Variants in GATAD1 observed in about 807,000 individuals in gnomAD.
GATAD1 encodes the protein GATA zinc finger domain-containing protein 1.
Under a neutral mutation model 26.5 loss-of-function variants are expected in GATAD1, and 12 were observed. The ratio of observed to expected loss-of-function variants is 0.45; its 90% confidence interval spans 0.29 to 0.73. The LOEUF (loss-of-function observed/expected upper bound fraction) is 0.73. Among genes scored for constraint, GATAD1 ranks in the 30% least tolerant of loss-of-function variants. The probability of loss-of-function intolerance (pLI) is 0.10; values close to 1 mark genes in which losing one functional copy is unlikely to be tolerated. For missense variants in GATAD1, 266 were observed against 342.1 expected, an observed-to-expected ratio of 0.78 and a Z score of 1.75; for synonymous variants, 129 against 133.1, an observed-to-expected ratio of 0.97 and a Z score of 0.21.
chr7:92,458,576 C>T lies in GATAD1; in HGVS notation c.*2014C>T, dbSNP rs1349420102. ...TGTACTCACTTGCCTCCTCTTTTGT[C>T]CTGATTTAACCAGCATTTTTCAACC... On this transcript the variant is annotated 3_prime_UTR_variant, in exon 5 of 5. Transcript: ENST00000287957. 1 of 152,124 alleles carries T rather than the reference C, an allele frequency of 6.6e-6. No homozygotes were observed. Among genetic ancestry groups the T allele is most frequent in the African/African-American group, 2.4e-5 (1 of 41,422 alleles). 9.4% of individuals were successfully genotyped at this position (152,124 alleles called of 1,614,324 possible). A position where few individuals can be genotyped will look rare whatever the true frequency, so the allele number is the denominator to read the frequency against.
At chr7:92,473,109 T>A in the GATAD1 span, 1 of 151,910 alleles carries the variant, frequency 6.6e-6, no homozygotes, top group East Asian at 1.9e-4. Flanking sequence ...GAATTGAGAG[T>A]CAGGATGTAC....
At chr7:92,453,694 T>C (rs140026671) in intron 3 of GATAD1, among the ~76,000 whole-genome samples, 109 of 152,296 alleles carry the variant, frequency 7.2e-4, no homozygotes, top group African/African-American at 2.6e-3. Context: ...TCTATTTTCT[T>C]TGAGTGGATG....
downstream of GATAD1, among the ~76,000 whole-genome samples, chr7:92,463,812 T>C (rs1336778423): frequency 3.3e-5 from 5 of 151,574 alleles, no homozygotes; most frequent in African/African-American, 1.2e-4. Context: ...CTATTAAAAA[T>C]ACAAAAATTA....
the GATAD1 span, among the ~76,000 whole-genome samples, chr7:92,478,396 G>A: frequency 6.6e-6 from 1 of 152,206 alleles, no homozygotes; most frequent in Non-Finnish European, 1.5e-5. Context: ...GATGTTGAAT[G>A]AATTCATCTA....
chr7:92,450,691 A>G lies in GATAD1; in HGVS notation c.376-10A>G, dbSNP rs1265355276. ...CTATGAATGTGCTAATGTTTTTTGT[A>G]TTTTCATAGCCCATCAAAGCTCCTG... On this transcript the variant is annotated splice_polypyrimidine_tract_variant and intron_variant, in intron 2 of 4. Coordinates refer to ENST00000287957, the MANE Select transcript of GATAD1 (RefSeq NM_021167.5). 1.9e-6 allele frequency: 3 copies of G among 1,592,980 alleles called. No individual in the cohort carries two copies. The highest frequency in any genetic ancestry group is 2.2e-5 in the East Asian group (1 of 44,738).
chr7:92,463,990 G>A (rs1292492817), downstream of GATAD1, among the ~76,000 whole-genome samples: 1 of 152,072 alleles, frequency 6.6e-6, no homozygotes, highest in Non-Finnish European at 1.5e-5. Context: ...AAAATTGTAA[G>A]TTTTGTTATG....
the GATAD1 span, chr7:92,468,659 T>A: frequency 3.3e-6 from 2 of 606,524 alleles, no homozygotes; most frequent in Admixed American, 6.0e-5. Context: ...CCAGCTAGGC[T>A]TAGGGATTCT....
chr7:92,469,890 C>T, the GATAD1 span: 7 of 778,458 alleles, frequency 9.0e-6, no homozygotes, highest in East Asian at 7.3e-5. Context: ...ATAGGCTTAC[C>T]AGGCGAGTAT....
At chr7:92,475,299 T>C in the GATAD1 span, 2 of 151,840 alleles carry the variant, frequency 1.3e-5, no homozygotes, top group Non-Finnish European at 2.9e-5. Context: ...GCGGGGAACG[T>C]TTCCCATCTG....
chr7:92,485,584 GCA>G, the GATAD1 span, among the ~76,000 whole-genome samples: 11 of 152,264 alleles, frequency 7.2e-5, no homozygotes, highest in African/African-American at 2.6e-4. Context: ...GGATCCAAGG[GCA>G]CCAGACACTC....
intron 4 of GATAD1, 39 bp downstream of exon 4, chr7:92,454,724 GTTAACTCTCC>G: frequency 7.3e-7 from 1 of 1,364,078 alleles, no homozygotes; most frequent in Non-Finnish European, 1.0e-6. Flanking sequence ...TTTTAACTTA[GTTAACTCTCC>G]AATATTATGT....
At chr7:92,488,965 C>T in the GATAD1 span, among the ~76,000 whole-genome samples, 313 of 152,288 alleles carry the variant, frequency 2.1e-3, 1 homozygote, top group African/African-American at 7.3e-3. Context: ...AACTCCTGAC[C>T]TCAGGTGATC....
downstream of GATAD1, among the ~76,000 whole-genome samples, chr7:92,463,240 G>A (rs1789985199): frequency 6.6e-6 from 1 of 152,182 alleles, no homozygotes; most frequent in South Asian, 2.1e-4. Context: ...GTGGGAAGAG[G>A]GGTATTGTGG....
chr7:92,475,938 G>C, the GATAD1 span, among the ~76,000 whole-genome samples: 1 of 152,224 alleles, frequency 6.6e-6, no homozygotes. Flanking sequence ...AGTGCAAACA[G>C]CTCACACGTT....
downstream of GATAD1, among the ~76,000 whole-genome samples, chr7:92,464,096 G>T (rs1790020659): frequency 6.6e-6 from 1 of 152,172 alleles, no homozygotes; most frequent in Admixed American, 6.5e-5. Context: ...TGAGGAGGAT[G>T]AATTAAGGAA....
chr7:92,464,082 T>G (rs79423543), downstream of GATAD1, among the ~76,000 whole-genome samples: 1 of 152,172 alleles, frequency 6.6e-6, no homozygotes, highest in Non-Finnish European at 1.5e-5. Flanking sequence ...AAATAGAGAC[T>G]GAGTGAGGAG....
chr7:92,461,806 A>G (rs1043597967), downstream of GATAD1, among the ~76,000 whole-genome samples: 5 of 152,240 alleles, frequency 3.3e-5, no homozygotes, highest in Non-Finnish European at 5.9e-5. Flanking sequence ...ACGCAAGGGC[A>G]GTTGCACCCA....
intron 1 of GATAD1, among the ~76,000 whole-genome samples, chr7:92,448,346 T>G (rs1321108874): frequency 6.6e-6 from 1 of 152,242 alleles, no homozygotes; most frequent in Admixed American, 6.5e-5. Flanking sequence ...AAATGGCAGC[T>G]TAAGTATTCC....
chr7:92,473,803 C>A, the GATAD1 span, among the ~76,000 whole-genome samples: 8 of 152,008 alleles, frequency 5.3e-5, no homozygotes, highest in Non-Finnish European at 1.0e-4. Flanking sequence ...CAGGAGACAA[C>A]CTCCTGGCCC....
Sources: allele counts gnomAD v4.1 joint callset (sites outside exome capture counted in the v4.1 genomes callset), GRCh38; gene constraint gnomAD v4.1.1; transcripts MANE v1.5; gene names NCBI Gene and HGNC (gene_info 2026-07-23, HGNC 2026-07-21).